MRPL4: variants seen among roughly 807,000 people sequenced by gnomAD.
MRPL4 encodes the protein mitochondrial ribosomal protein L4, also known as large ribosomal subunit protein uL4m.
MRPL4 carries 34 observed loss-of-function variants against 34.1 expected under a neutral mutation model. The ratio of observed to expected loss-of-function variants is 1.00; its 90% CI spans 0.76 to 1.33. The LOEUF (loss-of-function observed/expected upper bound fraction) is 1.33, where lower values mean the gene tolerates loss of function less well. Among genes scored for constraint, MRPL4 ranks in the 40% most tolerant of loss-of-function variants. The pLI, the probability that MRPL4 is intolerant of heterozygous loss-of-function variation, is 0.00. For missense variants in MRPL4, 402 were observed against 434.6 expected, an observed-to-expected ratio of 0.92 and a Z score of 0.67; for synonymous variants, 196 against 188.3, an observed-to-expected ratio of 1.04 and a Z score of -0.33.
intron 5 of MRPL4, among the ~76,000 whole-genome samples, chr19:10,257,845 T>G (rs1180767663): frequency 1.3e-5 from 2 of 152,062 alleles, no homozygotes; most frequent in Non-Finnish European, 2.9e-5. Context: ...GGTGGTTTGT[T>G]TTTTTTATTG....
rs150747275 is a variant in MRPL4, at chr19:10,252,714, T to A, written c.275+13T>A. Reference sequence around the variant, plus strand: ...CCACCGCGCCCAGGTGAGCGAGGGCTGTAATGGTGAACTGAGTGGCAGAGG... The same window carrying A: ...CCACCGCGCCCAGGTGAGCGAGGGCAGTAATGGTGAACTGAGTGGCAGAGG... On this transcript the variant is annotated intron_variant, in intron 3 of 8. Coordinates refer to ENST00000253099, the MANE Select transcript of MRPL4 (RefSeq NM_015956.3). 3.1e-6 allele frequency: 5 copies of A among 1,597,624 alleles called. No individual in the cohort carries two copies. The African/African-American group carries it at 6.7e-5, about 21-fold the overall frequency.
At chr19:10,259,592 C>G (rs1483783560) in intron 8 of MRPL4, 25 bp from the exon 9 acceptor site, 1 of 1,471,248 alleles carries the variant, frequency 6.8e-7, no homozygotes, top group African/African-American at 1.5e-5. Flanking sequence ...ACCGGCCCCC[C>G]GCCCCGCCCC....
rs550089852 is a variant in MRPL4 at position 10,256,753 on chromosome 19, C to G, written c.373C>G (p.Arg125Gly). Reference sequence around the variant, plus strand: ...GAGAGCCGAGGTGCGGGGCGGTGGCCGGAAGCCTTGGCCGCAGAAAGGCAC... The same window carrying G: ...GAGAGCCGAGGTGCGGGGCGGTGGCGGGAAGCCTTGGCCGCAGAAAGGCAC... ...KTRAEVRGGG[R>G]KPWPQKGTGR... Residue 125 changes from arginine (R) to glycine (G), a missense_variant, in exon 5 of 9, where the codon CGG becomes GGG. Physicochemically the swap from Arg to Gly is moderately radical, Grantham distance 125 (BLOSUM62 -2). Transcript: ENST00000253099. 2.1e-5 allele frequency: 33 copies of G among 1,598,390 alleles called. No homozygotes were observed. The South Asian group carries it at 3.4e-4, about 17-fold the overall frequency.
intron 3 of MRPL4, among the ~76,000 whole-genome samples, chr19:10,253,675 C>T (rs1459594952): frequency 6.6e-6 from 1 of 151,724 alleles, no homozygotes; most frequent in Non-Finnish European, 1.5e-5. Flanking sequence ...CCTGTAGTCC[C>T]AGCTACTCAG....
rs35481360 is a variant in MRPL4, at chr19:10,259,098, C to CAAAAAAAAAA, written c.739+431_739+440dup. 4.3e-4 allele frequency: 234 copies of CAAAAAAAAAA among 539,814 alleles called. 5 individuals are homozygous for CAAAAAAAAAA. The highest frequency in any genetic ancestry group is 8.6e-4 in the Middle Eastern group (1 of 1,162). The allele number at this position is 539,814 out of a possible 1,614,324, so 33.4% of individuals were successfully genotyped here. ...TGGGGAGAGAGCTAGACTCTTGTCT[C>CAAAAAAAAAA]AAAAAAAAAAAAAAAAAAAAAAAAA... On this transcript the variant is annotated intron_variant, in intron 8 of 8. Coordinates refer to ENST00000253099, the MANE Select transcript of MRPL4 (RefSeq NM_015956.3).
chr19:10,251,990 C>T (rs1156669394), upstream of MRPL4: 12 of 524,168 alleles, frequency 2.3e-5, no homozygotes, highest in Non-Finnish European at 4.0e-5. Flanking sequence ...CCTACGGAAG[C>T]TGGGTCTTCT....
Position 10,258,400 on chromosome 19 carries a change from T to C in MRPL4, c.553-13T>C. The C allele has an allele frequency of 6.2e-7, 1 of 1,613,830 alleles. No homozygotes were observed. Among genetic ancestry groups the C allele is most frequent in the Non-Finnish European group, 8.5e-7 (1 of 1,179,908 alleles). On this transcript the variant is annotated splice_polypyrimidine_tract_variant and intron_variant, in intron 6 of 8. Transcript: ENST00000253099. Reference sequence around the variant, plus strand: ...CTGGACCCAGGGTTCAAACCATCCTTTCCTTCCACCAGGACGACCTGCACA... The same window carrying C: ...CTGGACCCAGGGTTCAAACCATCCTCTCCTTCCACCAGGACGACCTGCACA...
chr19:10,253,470 C>CAG (rs1555702533), intron 3 of MRPL4, among the ~76,000 whole-genome samples: 4 of 103,018 alleles, frequency 3.9e-5, no homozygotes, highest in Non-Finnish European at 7.5e-5. Flanking sequence ...CACTCTGTCT[C>CAG]AAAAAAAAAA....
At chr19:10,256,854 A>AGTGGGGGGGGGGGGGG in intron 5 of MRPL4, 29 bp downstream of exon 5, 1 of 38,598 alleles carries the variant, frequency 2.6e-5, no homozygotes, top group South Asian at 4.0e-4. Flanking sequence ...GGGGGCGGGG[A>AGTGGGGGGGGGGGGGG]GGGGTGGGGG....
In MRPL4 at chr19:10,259,663, G is replaced by A. The variant is rs747008144; in HGVS notation, c.786G>A (p.Thr262=). The stretch of plus-strand genomic sequence containing the variant: ...TCAAGCACCAGACGCTGGTCCTGAC[G>A]CTGCCCACCGTCGCCTTCCTGGAGG... ...SMLKHQTLVL[T]LPTVAFLEDK... is the part of the protein sequence containing the mutation. Residue 262 remains threonine (T), a synonymous_variant, in exon 9 of 9, where the codon ACG becomes ACA. Transcript: ENST00000253099. 1.0e-5 allele frequency: 16 copies of A among 1,601,406 alleles called. No homozygotes were observed. Among genetic ancestry groups the A allele is most frequent in the Middle Eastern group, 1.7e-4 (1 of 6,054 alleles).
rs758456190 is a variant in MRPL4 at position 10,258,518 on chromosome 19, G to A, written c.658G>A (p.Asp220Asn). 15 of 1,614,014 alleles carry A rather than the reference G, an allele frequency of 9.3e-6. No homozygotes were observed. In the East Asian group the frequency reaches 3.1e-4, roughly 34 times the overall value. The change falls in exon 7 of 9, where the codon GAC becomes AAC. Residue 220 changes from aspartate to asparagine, a missense_variant. Physicochemically the swap from Asp to Asn is conservative, Grantham distance 23. Transcript: ENST00000253099. Reference protein sequence around the residue: ...RRWGDSVLLVDLTHEEMPQSI... With the variant: ...RRWGDSVLLVNLTHEEMPQSI... ...CTGGGGGGACTCCGTACTCCTCGTGGACTTGTGAGGGCACAGGGCAGAGCA... is the reference window on the plus strand; with the variant it reads ...CTGGGGGGACTCCGTACTCCTCGTGAACTTGTGAGGGCACAGGGCAGAGCA...
In MRPL4 at chr19:10,256,807, T is replaced by C; in HGVS notation, c.427T>C (p.Ser143Pro). ...TGRARHGSIR[S>P]PLWRGGGVAH... Reference sequence around the variant, plus strand: ...GCGGGCCCGGCATGGCAGCATCCGCTCTCCGCTCTGGCGAGGAGGTAACAG... The same window carrying C: ...GCGGGCCCGGCATGGCAGCATCCGCCCTCCGCTCTGGCGAGGAGGTAACAG... The change falls in exon 5 of 9, where the codon TCT becomes CCT. Residue 143 changes from serine to proline, a missense_variant. Physicochemically the swap from Ser to Pro is moderately conservative, Grantham distance 74. Coordinates refer to ENST00000253099, the MANE Select transcript of MRPL4 (RefSeq NM_015956.3). The C allele has an allele frequency of 1.5e-6, 2 of 1,297,154 alleles. No homozygotes were observed. Among genetic ancestry groups the C allele is most frequent in the Non-Finnish European group, 2.0e-6 (2 of 994,172 alleles). 80.4% of individuals were successfully genotyped at this position (1,297,154 alleles called of 1,614,324 possible).
At position 10,258,397 on chromosome 19, in the gene MRPL4, C is replaced by A. The variant is rs374214811; in HGVS notation, c.553-16C>A. On this transcript the variant is annotated splice_polypyrimidine_tract_variant and intron_variant, in intron 6 of 8. Coordinates refer to ENST00000253099, the MANE Select transcript of MRPL4 (RefSeq NM_015956.3). The stretch of plus-strand genomic sequence containing the variant: ...GCTCTGGACCCAGGGTTCAAACCAT[C>A]CTTTCCTTCCACCAGGACGACCTGC... The A allele has an allele frequency of 1.9e-6, 3 of 1,614,018 alleles. No individual in the cohort carries two copies. Among genetic ancestry groups the A allele is most frequent in the Non-Finnish European group, 2.5e-6 (3 of 1,179,962 alleles).
chr19:10,253,936 G>A (rs1407285883), intron 3 of MRPL4, among the ~76,000 whole-genome samples: 1 of 152,156 alleles, frequency 6.6e-6, no homozygotes, highest in Non-Finnish European at 1.5e-5. Flanking sequence ...AACTAGAGAG[G>A]AAAACCAGTC....
At chr19:10,256,572 C>T in intron 4 of MRPL4, 136 bp from the exon 5 acceptor site, 2 of 679,870 alleles carry the variant, frequency 2.9e-6, no homozygotes, top group Non-Finnish European at 5.1e-6. Context: ...CCTCGCTCCC[C>T]AAGTACTCTG....
intron 5 of MRPL4, 41 bp downstream of exon 5, chr19:10,256,866 G>GGGGGGGAGGGGGGGGGGGGGC: frequency 2.6e-6 from 1 of 378,382 alleles, no homozygotes; most frequent in Non-Finnish European, 5.0e-6. Flanking sequence ...GGGTGGGGGG[G>GGGGGGGAGGGGGGGGGGGGGC]CCAGGGAAGG....
intron 5 of MRPL4, among the ~76,000 whole-genome samples, chr19:10,257,190 G>A (rs899950572): frequency 6.6e-6 from 1 of 152,118 alleles, no homozygotes; most frequent in African/African-American, 2.4e-5. Context: ...CCTTTGTGTG[G>A]AACCTGAACT....
chr19:10,252,540 A>G lies in MRPL4; in HGVS notation c.125-11A>G. The G allele has an allele frequency of 6.2e-7, 1 of 1,613,018 alleles. No homozygotes were observed. The highest frequency in any genetic ancestry group is 8.5e-7 in the Non-Finnish European group (1 of 1,179,422). ...CTTGACCCTAACCTCTGACCCCCGC[A>G]ATCGCTCCAGGTCTCCCGGAGCCCG... On this transcript the variant is annotated splice_polypyrimidine_tract_variant and intron_variant, in intron 2 of 8. Coordinates refer to ENST00000253099, the MANE Select transcript of MRPL4 (RefSeq NM_015956.3).
At chr19:10,259,358 G>A (rs2039885958) in intron 8 of MRPL4, 1 of 1,385,338 alleles carries the variant, frequency 7.2e-7, no homozygotes, top group African/African-American at 1.5e-5. Context: ...CAGAATGGGA[G>A]CCAGGAGTCC....
Sources: gnomAD v4.1 joint callset for allele counts (sites outside exome capture counted in the v4.1 genomes callset) on GRCh38, gnomAD v4.1.1 for gene constraint, MANE v1.5 for transcripts, NCBI Gene and HGNC (gene_info 2026-07-23, HGNC 2026-07-21) for gene names.